The following AP1AR variants were observed in gnomAD, a reference collection of about 807,000 sequenced individuals.
AP1AR encodes adaptor related protein complex 1 associated regulatory protein.
Under a neutral mutation model 46.3 loss-of-function variants are expected in AP1AR, and 29 were observed. That is an observed-to-expected ratio of 0.63 (90% CI 0.47 to 0.85). The LOEUF is 0.85. AP1AR is among the 40% of genes least tolerant of loss of function. The pLI, the probability that AP1AR is intolerant of heterozygous loss-of-function variation, is 0.00. For missense variants in AP1AR, 357 were observed against 356.3 expected, an observed-to-expected ratio of 1.00 and a Z score of -0.02; for synonymous variants, 122 against 122.9, an observed-to-expected ratio of 0.99 and a Z score of 0.05.
rs1038058086 is a variant in AP1AR, at chr4:112,270,903, T to C, written c.*2494T>C. ...ATTTTCAAACGATTGCTTTAGTTGC[T>C]GTGTAGAGAATGGATTGTAAGAAGG... On this transcript the variant is annotated 3_prime_UTR_variant, in exon 10 of 10. Coordinates refer to ENST00000274000, the MANE Select transcript of AP1AR (RefSeq NM_018569.6). Among the ~76,000 whole-genome samples the C allele has an allele frequency of 6.6e-6, 1 of 152,204 alleles. No homozygotes were observed. The highest frequency in any genetic ancestry group is 1.5e-5 in the Non-Finnish European group (1 of 68,042).
intron 8 of AP1AR, 27 bp downstream of exon 8, chr4:112,265,834 C>G (rs1726681641): frequency 7.1e-7 from 1 of 1,408,740 alleles, no homozygotes. Flanking sequence ...ATTTTCTGTA[C>G]TTTTTATGCC....
chr4:112,262,250 G>C (rs372217922), intron 5 of AP1AR, among the ~76,000 whole-genome samples: 1 of 152,192 alleles, frequency 6.6e-6, no homozygotes, highest in Admixed American at 6.5e-5. Context: ...GGAGGTCAAG[G>C]CTGCAGTGTT....
At chr4:112,264,083 T>C (rs1726569502) in intron 6 of AP1AR, among the ~76,000 whole-genome samples, 1 of 152,212 alleles carries the variant, frequency 6.6e-6, no homozygotes, top group Admixed American at 6.5e-5. Flanking sequence ...TTCATTTTTT[T>C]CCCTCTCTCT....
intron 9 of AP1AR, among the ~76,000 whole-genome samples, chr4:112,267,149 C>T (rs540784059): frequency 8.6e-5 from 13 of 151,816 alleles, no homozygotes; most frequent in African/African-American, 2.9e-4. Flanking sequence ...ACTTGTTTTA[C>T]TGGGTTGAGT....
At chr4:112,243,259 G>A (rs1725584848) in intron 1 of AP1AR, among the ~76,000 whole-genome samples, 2 of 152,250 alleles carry the variant, frequency 1.3e-5, no homozygotes, top group South Asian at 4.2e-4. Flanking sequence ...TGGCATTTAA[G>A]TCTTATGTCT....
intron 4 of AP1AR, among the ~76,000 whole-genome samples, chr4:112,259,883 G>C (rs1369053365): frequency 2.0e-5 from 3 of 152,066 alleles, no homozygotes; most frequent in African/African-American, 7.2e-5. Context: ...AGTAAGTGGG[G>C]GTTGCCACAA....
chr4:112,237,212 T>C (rs531846965), intron 1 of AP1AR, among the ~76,000 whole-genome samples: 1 of 151,990 alleles, frequency 6.6e-6, no homozygotes, highest in East Asian at 1.9e-4. Context: ...GTTCAAGCAA[T>C]TCTCCTGCCT....
intron 1 of AP1AR, 115 bp from the exon 2 acceptor site, chr4:112,253,089 ATAAC>A (rs1413214052): frequency 3.1e-6 from 2 of 642,218 alleles, no homozygotes; most frequent in Non-Finnish European, 4.9e-6. Context: ...TTTTATAAAT[ATAAC>A]TATATGTTAG....
chr4:112,255,294 A>G (rs1050716431), intron 3 of AP1AR, among the ~76,000 whole-genome samples: 2 of 152,018 alleles, frequency 1.3e-5, no homozygotes, highest in East Asian at 1.9e-4. Context: ...GATACACTAT[A>G]TACACACACA....
Position 112,268,513 on chromosome 4 carries a change from G to T in AP1AR, c.*104G>T. ...GCCTTTTTGTAAGGGAGATGTGTAA[G>T]AAACCATGTTGTAAATGCTTATTTT... On this transcript the variant is annotated 3_prime_UTR_variant, in exon 10 of 10. Transcript: ENST00000274000. 1 of 1,168,486 alleles carries T rather than the reference G, an allele frequency of 8.6e-7. No homozygotes were observed. The highest frequency in any genetic ancestry group is 1.2e-6 in the Non-Finnish European group (1 of 854,164). The allele number at this position is 1,168,486 out of a possible 1,614,324, so 72.4% of individuals were successfully genotyped here. A position where few individuals can be genotyped will look rare whatever the true frequency, so the allele number is the denominator to read the frequency against.
At chr4:112,266,818 C>T in intron 9 of AP1AR, 102 bp downstream of exon 9, 1 of 1,150,660 alleles carries the variant, frequency 8.7e-7, no homozygotes, top group Non-Finnish European at 1.2e-6. Context: ...AAATTCAAGG[C>T]CTTGAAAAAT....
chr4:112,236,620 C>G (rs757967723), intron 1 of AP1AR, among the ~76,000 whole-genome samples: 2 of 152,060 alleles, frequency 1.3e-5, no homozygotes, highest in African/African-American at 4.8e-5. Flanking sequence ...TGGCTAGTCT[C>G]GAATTCCTGA....
At chr4:112,243,340 T>C (rs1291587104) in intron 1 of AP1AR, among the ~76,000 whole-genome samples, 5 of 152,202 alleles carry the variant, frequency 3.3e-5, no homozygotes, top group East Asian at 1.9e-4. Context: ...TACATCCCCA[T>C]TGGGATTCTG....
At chr4:112,265,134 T>G (rs1726646143) in intron 7 of AP1AR, 67 bp downstream of exon 7, 1 of 1,279,526 alleles carries the variant, frequency 7.8e-7, no homozygotes, top group Non-Finnish European at 1.1e-6. Context: ...TAGAGCATCA[T>G]TCACCTCAAG....
At chr4:112,234,425 G>A (rs1725154503) in intron 1 of AP1AR, among the ~76,000 whole-genome samples, 1 of 152,174 alleles carries the variant, frequency 6.6e-6, no homozygotes, top group African/African-American at 2.4e-5. Flanking sequence ...AACAAGTCCT[G>A]TGGAGGCAGT....
At chr4:112,261,534 A>G (rs1726442127) in intron 5 of AP1AR, among the ~76,000 whole-genome samples, 1 of 152,164 alleles carries the variant, frequency 6.6e-6, no homozygotes, top group South Asian at 2.1e-4. Flanking sequence ...TTCTCAGAGA[A>G]CCAAGTACTT....
chr4:112,254,822 A>G (rs756335447), intron 3 of AP1AR, 49 bp downstream of exon 3: 15 of 1,013,422 alleles, frequency 1.5e-5, no homozygotes, highest in East Asian at 1.1e-4. Flanking sequence ...TTTCTCATTA[A>G]TCGTCTCATT....
At chr4:112,236,826 C>T (rs1725262222) in intron 1 of AP1AR, among the ~76,000 whole-genome samples, 1 of 152,162 alleles carries the variant, frequency 6.6e-6, no homozygotes, top group Admixed American at 6.5e-5. Context: ...TTTCTATAAT[C>T]TCTTTGTCAA....
Position 112,232,087 on chromosome 4 carries a change from A to G in AP1AR, c.-5A>G. On this transcript the variant is annotated 5_prime_UTR_variant, in exon 1 of 10. An upstream start codon of the reference 5' UTR is lost. Coordinates refer to ENST00000274000, the MANE Select transcript of AP1AR (RefSeq NM_018569.6). ...GGAGGAGCGGCGGCGCCTGGGCGGC[A>G]TGCGATGGGGAACTGCTGCTGGACG... is the stretch of plus-strand genomic sequence containing the variant. 1 of 1,349,238 alleles carries G rather than the reference A, an allele frequency of 7.4e-7. No individual in the cohort carries two copies. The highest frequency in any genetic ancestry group is 1.5e-5 in the African/African-American group (1 of 65,812). The allele number at this position is 1,349,238 out of a possible 1,614,324, so 83.6% of individuals were successfully genotyped here. A position where few individuals can be genotyped will look rare whatever the true frequency, so the allele number is the denominator to read the frequency against.
Sources: gnomAD v4.1 joint callset for allele counts (sites outside exome capture counted in the v4.1 genomes callset) on GRCh38, gnomAD v4.1.1 for gene constraint, MANE v1.5 for transcripts, NCBI Gene and HGNC (gene_info 2026-07-23, HGNC 2026-07-21) for gene names.